Variants in CDK14 observed in about 807,000 individuals in gnomAD.
CDK14 encodes the protein cyclin dependent kinase 14.
A neutral mutation model predicts 60.7 loss-of-function variants in CDK14; 34 were observed. That is an observed-to-expected ratio of 0.56 (90% CI 0.43 to 0.75). The LOEUF (loss-of-function observed/expected upper bound fraction) is 0.75. Ranked by LOEUF, CDK14 falls within the 30% of genes least tolerant of loss-of-function variation. The pLI is 0.00. For missense variants in CDK14, 482 were observed against 564.1 expected (o/e 0.85, Z 1.47); for synonymous variants, 197 against 203.7 (o/e 0.97, Z 0.28).
chr7:91,163,742 A>G (rs1359619809), intron 14 of CDK14, among the ~76,000 whole-genome samples: 5 of 152,154 alleles, frequency 3.3e-5, no homozygotes, highest in Non-Finnish European at 4.4e-5. Flanking sequence ...CCTTTGACCA[A>G]CAACTTCCTT....
intron 11 of CDK14, among the ~76,000 whole-genome samples, chr7:91,068,807 TAAAAA>T (rs57179045): frequency 1.3e-4 from 9 of 68,790 alleles, no homozygotes; most frequent in African/African-American, 3.7e-4. Flanking sequence ...TACCTTATAT[TAAAAA>T]AAAAAAAAAA....
intron 2 of CDK14, among the ~76,000 whole-genome samples, chr7:90,667,781 T>G (rs143146775): frequency 0.036 from 5,434 of 152,152 alleles, 127 homozygotes; most frequent in Non-Finnish European, 0.054. Context: ...GTGTTAGCCA[T>G]GATGGTCTCA....
intron 5 of CDK14, among the ~76,000 whole-genome samples, chr7:90,836,128 A>G (rs1184697835): frequency 2.0e-5 from 3 of 152,294 alleles, no homozygotes; most frequent in Non-Finnish European, 2.9e-5. Context: ...GACTTTATAA[A>G]TACTGTATAA....
chr7:90,940,380 T>C (rs776701561), intron 8 of CDK14, among the ~76,000 whole-genome samples: 3 of 152,214 alleles, frequency 2.0e-5, no homozygotes, highest in Non-Finnish European at 4.4e-5. Flanking sequence ...TGGCTGCATT[T>C]TGTATCTGTA....
chr7:90,703,060 A>G (rs1251399575), intron 2 of CDK14, among the ~76,000 whole-genome samples: 2 of 149,128 alleles, frequency 1.3e-5, no homozygotes, highest in Admixed American at 6.7e-5. Flanking sequence ...AAACTTAGGT[A>G]AGTTTTTGCA....
chr7:91,056,850 A>G (rs1797585964), intron 11 of CDK14, among the ~76,000 whole-genome samples: 2 of 152,206 alleles, frequency 1.3e-5, no homozygotes, highest in South Asian at 4.1e-4. Flanking sequence ...GCTATTGTGA[A>G]TAGTGCCACA....
chr7:91,133,421 T>G (rs1457769936), intron 14 of CDK14, among the ~76,000 whole-genome samples: 5 of 152,140 alleles, frequency 3.3e-5, no homozygotes, highest in Non-Finnish European at 7.4e-5. Context: ...TTGAAACAAC[T>G]AATGTAAAAC....
intron 9 of CDK14, among the ~76,000 whole-genome samples, chr7:90,961,018 T>C (rs1794588393): frequency 6.6e-6 from 1 of 152,090 alleles, no homozygotes; most frequent in African/African-American, 2.4e-5. Flanking sequence ...AACCCAGAGA[T>C]ACTAAATAAT....
chr7:90,765,547 A>G (rs1804518387), intron 4 of CDK14, among the ~76,000 whole-genome samples: 1 of 152,310 alleles, frequency 6.6e-6, no homozygotes, highest in Admixed American at 6.5e-5. Context: ...AGATATTCAG[A>G]AAAGTCAAAT....
At chr7:91,174,127 C>A (rs1236389219) in intron 14 of CDK14, among the ~76,000 whole-genome samples, 2 of 151,632 alleles carry the variant, frequency 1.3e-5, no homozygotes, top group African/African-American at 4.8e-5. Flanking sequence ...GGCAGACTGC[C>A]TCCTCAAGTG....
chr7:91,164,095 G>A (rs1043289309), intron 14 of CDK14, among the ~76,000 whole-genome samples: 3 of 152,080 alleles, frequency 2.0e-5, no homozygotes, highest in East Asian at 3.9e-4. Context: ...GACAGGGCAC[G>A]TAGCATACAA....
intron 2 of CDK14, among the ~76,000 whole-genome samples, chr7:90,720,210 C>A (rs898005651): frequency 5.9e-5 from 9 of 152,146 alleles, no homozygotes; most frequent in African/African-American, 1.9e-4. Context: ...AATATTGGAG[C>A]AGACTAAATT....
intron 10 of CDK14, among the ~76,000 whole-genome samples, chr7:91,036,749 G>C (rs964561111): frequency 2.0e-5 from 3 of 151,998 alleles, no homozygotes; most frequent in Admixed American, 2.0e-4. Flanking sequence ...TATATAGTTG[G>C]TAAGACTTCT....
At chr7:91,030,229 A>G (rs1475013459) in intron 10 of CDK14, among the ~76,000 whole-genome samples, 2 of 152,178 alleles carry the variant, frequency 1.3e-5, no homozygotes, top group Non-Finnish European at 2.9e-5. Flanking sequence ...TTTGACCCAA[A>G]TTTTTAAATA....
rs554563849 is a variant in CDK14, at chr7:90,601,205, G to C, written c.92-3013G>C. 2.0e-5 allele frequency among the ~76,000 whole-genome samples: 3 copies of C among 152,324 alleles called. No individual in the cohort carries two copies. The South Asian group carries it at 6.2e-4, about 32-fold the overall frequency. On this transcript the variant is annotated intron_variant, in intron 1 of 14. Coordinates refer to ENST00000380050, the MANE Select transcript of CDK14 (RefSeq NM_001287135.2). The stretch of plus-strand genomic sequence containing the variant: ...TATTCCAGAATAATGTAATATGCTT[G>C]TTACTCCATGAAATCCTTAAAGATA...
intron 2 of CDK14, among the ~76,000 whole-genome samples, chr7:90,693,571 G>T (rs1487238357): frequency 1.3e-5 from 2 of 152,156 alleles, no homozygotes; most frequent in African/African-American, 2.4e-5. Flanking sequence ...AGTAGAGCGG[G>T]AGAGCAGAAA....
At chr7:90,875,273 G>A (rs1251126610) in intron 6 of CDK14, among the ~76,000 whole-genome samples, 1 of 152,110 alleles carries the variant, frequency 6.6e-6, no homozygotes, top group Non-Finnish European at 1.5e-5. Context: ...GTACATGTGG[G>A]GTTTCTTTTC....
intron 2 of CDK14, among the ~76,000 whole-genome samples, chr7:90,664,392 G>C (rs1463165167): frequency 7.9e-5 from 12 of 152,052 alleles, no homozygotes; most frequent in African/African-American, 2.9e-4. Flanking sequence ...GATTCCTCAG[G>C]GATCTAGAAC....
chr7:90,835,185 G>T (rs1790051879), intron 5 of CDK14, among the ~76,000 whole-genome samples: 1 of 152,114 alleles, frequency 6.6e-6, no homozygotes, highest in South Asian at 2.1e-4. Context: ...GAAAGACATG[G>T]ATGCCAGATT....
Sources: gnomAD v4.1 joint callset for allele counts (sites outside exome capture counted in the v4.1 genomes callset) on GRCh38, gnomAD v4.1.1 for gene constraint, MANE v1.5 for transcripts, NCBI Gene and HGNC (gene_info 2026-07-23, HGNC 2026-07-21) for gene names.